The following TPH2 variants were observed in gnomAD, a reference collection of about 807,000 sequenced individuals.
TPH2 encodes tryptophan hydroxylase 2, also known as tryptophan 5-hydroxylase 2.
TPH2 carries 27 observed loss-of-function variants against 59.1 expected under a neutral mutation model. The ratio of observed to expected loss-of-function variants is 0.46; its 90% CI spans 0.34 to 0.63. The LOEUF is 0.63. Ranked by LOEUF, TPH2 falls within the 30% of genes least tolerant of loss-of-function variation. The pLI is 0.01. For missense variants in TPH2, 523 were observed against 588.3 expected (o/e 0.89, Z 1.15); for synonymous variants, 220 against 210.5 (o/e 1.05, Z -0.39).
In TPH2 at chr12:71,955,424, C is replaced by T. The variant is rs116811308; in HGVS notation, c.608+5769C>T. 8.9e-3 allele frequency among the ~76,000 whole-genome samples: 1,361 copies of T among 152,242 alleles called. 13 individuals carry two copies. Among genetic ancestry groups the T allele is most frequent in the African/African-American group, 0.029 (1,218 of 41,538 alleles). On this transcript the variant is annotated intron_variant, in intron 5 of 10. Coordinates refer to ENST00000333850, the MANE Select transcript of TPH2 (RefSeq NM_173353.4). The stretch of plus-strand genomic sequence containing the variant: ...CAAAGGCATGGGGTTTACTCAGACC[C>T]CTGACAACATAAAGGCCTTGGCTGC...
intron 2 of TPH2, among the ~76,000 whole-genome samples, chr12:71,942,608 T>C (rs762860363): frequency 6.6e-6 from 1 of 152,174 alleles, no homozygotes; most frequent in Non-Finnish European, 1.5e-5. Context: ...GTTCAATTTC[T>C]TTATTTGTAA....
At chr12:71,988,713 T>G (rs1034705383) in intron 7 of TPH2, among the ~76,000 whole-genome samples, 1 of 152,204 alleles carries the variant, frequency 6.6e-6, no homozygotes, top group African/African-American at 2.4e-5. Flanking sequence ...ATCTAAGCTA[T>G]ATCAGTAGGG....
chr12:72,031,851 T>C lies in TPH2; in HGVS notation c.*156T>C. ...CATCTTGTAACTCACTGTGTTAGTA[T>C]ATAAAGCACCATAAGAAATCCAATG... On this transcript the variant is annotated 3_prime_UTR_variant, in exon 11 of 11. Coordinates refer to ENST00000333850, the MANE Select transcript of TPH2 (RefSeq NM_173353.4). 4.9e-6 allele frequency: 4 copies of C among 820,466 alleles called. No homozygotes were observed. Among genetic ancestry groups the C allele is most frequent in the Non-Finnish European group, 8.1e-6 (4 of 494,924 alleles). 50.8% of individuals were successfully genotyped at this position (820,466 alleles called of 1,614,324 possible). A position where few individuals can be genotyped will look rare whatever the true frequency, so the allele number is the denominator to read the frequency against.
intron 4 of TPH2, among the ~76,000 whole-genome samples, chr12:71,947,665 A>G (rs1871231570): frequency 6.6e-6 from 1 of 152,060 alleles, no homozygotes; most frequent in African/African-American, 2.4e-5. Context: ...ATGGATGGCC[A>G]AGGAATGCTG....
chr12:71,995,655 A>T (rs1020409683), intron 8 of TPH2, among the ~76,000 whole-genome samples: 2 of 152,152 alleles, frequency 1.3e-5, no homozygotes, highest in Non-Finnish European at 2.9e-5. Flanking sequence ...TATGGAGATG[A>T]ATAGGCTCTG....
At chr12:71,944,864 C>A (rs953750990) in intron 4 of TPH2, among the ~76,000 whole-genome samples, 178 bp downstream of exon 4, 6 of 152,102 alleles carry the variant, frequency 3.9e-5, no homozygotes, top group African/African-American at 1.2e-4. Context: ...TGACTGGAAG[C>A]GGGTTAGAAG....
At chr12:71,998,498 C>T (rs976725337) in intron 8 of TPH2, among the ~76,000 whole-genome samples, 1 of 151,870 alleles carries the variant, frequency 6.6e-6, no homozygotes, top group African/African-American at 2.4e-5. Context: ...AGAAGATAGT[C>T]TTGAAAAAAA....
chr12:71,998,413 G>A (rs529904040), intron 8 of TPH2, among the ~76,000 whole-genome samples: 5 of 152,004 alleles, frequency 3.3e-5, no homozygotes, highest in Non-Finnish European at 7.4e-5. Flanking sequence ...TTCCTGAAAT[G>A]ATACTAAAAC....
intron 9 of TPH2, among the ~76,000 whole-genome samples, chr12:72,024,628 C>T (rs113537568): frequency 0.029 from 4,429 of 152,268 alleles, 215 homozygotes; most frequent in African/African-American, 0.1. Context: ...TATTTACATC[C>T]TCCTCAGACG....
At chr12:72,022,997 A>C (rs571583748) in intron 9 of TPH2, among the ~76,000 whole-genome samples, 4 of 152,270 alleles carry the variant, frequency 2.6e-5, no homozygotes, top group Non-Finnish European at 5.9e-5. Context: ...TGGAAAAACA[A>C]ACCAAACAAG....
intron 5 of TPH2, among the ~76,000 whole-genome samples, chr12:71,951,291 C>A (rs1033346917): frequency 1.3e-5 from 2 of 152,124 alleles, no homozygotes; most frequent in Non-Finnish European, 2.9e-5. Flanking sequence ...TTCCCCTGGT[C>A]CACAGGCTCC....
At position 72,005,339 on chromosome 12, in the gene TPH2, C is replaced by T. The variant is rs959947203; in HGVS notation, c.1068+10774C>T. Reference sequence around the variant, plus strand: ...CTCAGGGACTTCTTTACTGAGGGGGCTTTAAAGTCTTTACAAAAACCTCTT... The same window carrying T: ...CTCAGGGACTTCTTTACTGAGGGGGTTTTAAAGTCTTTACAAAAACCTCTT... On this transcript the variant is annotated intron_variant, in intron 8 of 10. Transcript: ENST00000333850. Among the ~76,000 whole-genome samples the T allele has an allele frequency of 3.9e-5, 6 of 152,050 alleles. No individual in the cohort carries two copies. The East Asian group carries it at 7.7e-4, about 20-fold the overall frequency.
At chr12:71,994,229 A>T (rs942139107) in intron 7 of TPH2, among the ~76,000 whole-genome samples, 10 of 152,248 alleles carry the variant, frequency 6.6e-5, no homozygotes, top group Admixed American at 6.5e-4. Context: ...TTATTAAAAC[A>T]TGGTATATCA....
intron 6 of TPH2, 74 bp from the exon 7 acceptor site, chr12:71,978,878 A>G (rs1332101715): frequency 5.7e-6 from 9 of 1,575,980 alleles, no homozygotes; most frequent in Non-Finnish European, 7.9e-6. Flanking sequence ...CCTTATAAAT[A>G]GTAGAAGCTC....
chr12:71,996,601 G>T (rs531585657), intron 8 of TPH2, among the ~76,000 whole-genome samples: 1 of 151,994 alleles, frequency 6.6e-6, no homozygotes, highest in Non-Finnish European at 1.5e-5. Context: ...AAGATATATC[G>T]CTCACTTGTC....
At chr12:72,027,792 G>C (rs1018059424) in intron 9 of TPH2, among the ~76,000 whole-genome samples, 3 of 152,174 alleles carry the variant, frequency 2.0e-5, no homozygotes, top group Non-Finnish European at 4.4e-5. Context: ...GGCCCAGTGG[G>C]AAAGGCTGCT....
intron 7 of TPH2, among the ~76,000 whole-genome samples, chr12:71,990,776 T>C (rs1785067763): frequency 6.6e-6 from 1 of 152,212 alleles, no homozygotes; most frequent in Admixed American, 6.5e-5. Flanking sequence ...CCACACTTTG[T>C]TCAGGAATCT....
intron 7 of TPH2, 72 bp from the exon 8 acceptor site, chr12:71,994,367 T>G: frequency 6.3e-7 from 1 of 1,578,074 alleles, no homozygotes; most frequent in Non-Finnish European, 8.7e-7. Flanking sequence ...ATTTAGGTTT[T>G]TAAGTCTTGT....
chr12:72,026,682 G>A (rs1260816210), intron 9 of TPH2, among the ~76,000 whole-genome samples: 1 of 152,170 alleles, frequency 6.6e-6, no homozygotes, highest in African/African-American at 2.4e-5. Context: ...AGTAAATGCT[G>A]GACGTTGGGA....
Sources: gnomAD v4.1 joint callset for allele counts (sites outside exome capture counted in the v4.1 genomes callset) on GRCh38, gnomAD v4.1.1 for gene constraint, MANE v1.5 for transcripts, NCBI Gene and HGNC (gene_info 2026-07-23, HGNC 2026-07-21) for gene names.